Variants in DGKG observed in about 807,000 individuals in gnomAD.
DGKG encodes diacylglycerol kinase gamma, also known as DAG kinase gamma.
DGKG carries 78 observed loss-of-function variants against 105.3 expected under a neutral mutation model. The ratio of observed to expected loss-of-function variants is 0.74; its 90% confidence interval spans 0.62 to 0.89. The LOEUF is 0.89. Among genes scored for constraint, DGKG ranks in the 40% least tolerant of loss-of-function variants. DGKG has a pLI of 0.00. For missense variants in DGKG, 958 were observed against 1,020.1 expected, an observed-to-expected ratio of 0.94 and a Z score of 0.83; for synonymous variants, 346 against 367.1, an observed-to-expected ratio of 0.94 and a Z score of 0.66.
rs1718598881 is a variant in DGKG at position 186,203,976 on chromosome 3, T to C, written c.1917+7819A>G. Among the ~76,000 whole-genome samples, 1 of 152,240 alleles carries C rather than the reference T, an allele frequency of 6.6e-6. No homozygotes were observed. The highest frequency in any genetic ancestry group is 2.4e-5 in the African/African-American group (1 of 41,464). ...CCTCTAGTTTAAGAGTGTGCAGCAC[T>C]GCAGGTGGATGCTAAGACAGAGTAG... is the stretch of plus-strand genomic sequence containing the variant. On this transcript the variant is annotated intron_variant, in intron 21 of 24. Coordinates refer to ENST00000265022, the MANE Select transcript of DGKG (RefSeq NM_001346.3). This position sits in a 1 kb window ranked among gnomAD's most constrained non-coding sequence, Gnocchi z 4.9.
At chr3:186,280,838 G>C in intron 7 of DGKG, 94 bp from the exon 8 acceptor site, 1 of 1,016,800 alleles carries the variant, frequency 9.8e-7, no homozygotes, top group Non-Finnish European at 1.5e-6. Context: ...TGGGAAGAGG[G>C]ACAGGGCAGG....
intron 22 of DGKG, among the ~76,000 whole-genome samples, chr3:186,176,681 T>C (rs1717093983): frequency 6.6e-6 from 1 of 152,204 alleles, no homozygotes; most frequent in African/African-American, 2.4e-5. Context: ...GGCCTTGTTT[T>C]TCTAATCTAT....
Position 186,284,684 on chromosome 3 carries a change from A to T in DGKG, c.570T>A (p.Asp190Glu). 6.2e-7 allele frequency: 1 copy of T among 1,613,966 alleles called. No homozygotes were observed. The highest frequency in any genetic ancestry group is 8.5e-7 in the Non-Finnish European group (1 of 1,179,854). Reference protein sequence around the residue: ...LEFMFRLYDSDENGLLDQAEM... With the variant: ...LEFMFRLYDSEENGLLDQAEM... ...CCGCTTGGTCCAGGAGACCGTTCTC[A>T]TCTGAATCATAGAGGCGAAACATGA... The change falls in exon 7 of 25, where the codon GAT becomes GAA. Residue 190 changes from aspartate (D) to glutamate (E), a missense_variant. This residue lies in a region of DGKG where 643 missense variants were observed against 619.5 expected (regional missense o/e 1.04). Coordinates refer to ENST00000265022, the MANE Select transcript of DGKG (RefSeq NM_001346.3). This position sits in a 1 kb window ranked among gnomAD's most constrained non-coding sequence, Gnocchi z 4.0.
chr3:186,311,336 A>C (rs1724532247), intron 2 of DGKG, among the ~76,000 whole-genome samples: 1 of 152,208 alleles, frequency 6.6e-6, no homozygotes, highest in Non-Finnish European at 1.5e-5. Flanking sequence ...ATAACTTCTA[A>C]ATTTAAAATT....
intron 9 of DGKG, 132 bp downstream of exon 9, chr3:186,279,719 G>A (rs888718934): frequency 6.5e-6 from 6 of 921,130 alleles, no homozygotes; most frequent in Non-Finnish European, 8.2e-6. Flanking sequence ...TAAATAGAGA[G>A]GACTTTGGGG....
At chr3:186,279,356 A>G (rs1722726964) in intron 9 of DGKG, 4 of 152,768 alleles carry the variant, frequency 2.6e-5, no homozygotes, top group Admixed American at 2.6e-4. Context: ...TTCCATCTGT[A>G]TAAATTGGGA....
At chr3:186,161,407 C>G in intron 24 of DGKG, 196 bp downstream of exon 24, 1 of 1,422,878 alleles carries the variant, frequency 7.0e-7, no homozygotes, top group Non-Finnish European at 9.2e-7. Flanking sequence ...TTCACAGTGT[C>G]TGGCATATAG....
intron 3 of DGKG, among the ~76,000 whole-genome samples, chr3:186,301,349 C>T (rs1046363032): frequency 2.6e-5 from 4 of 152,070 alleles, no homozygotes; most frequent in East Asian, 1.9e-4. Flanking sequence ...TTCCATGTGA[C>T]GGGTGCGGTG....
At chr3:186,193,419 C>G (rs1040719410) in intron 21 of DGKG, among the ~76,000 whole-genome samples, 1 of 152,218 alleles carries the variant, frequency 6.6e-6, no homozygotes, top group South Asian at 2.1e-4. Flanking sequence ...TAACTGTCTG[C>G]GTTATCATCA....
chr3:186,273,367 C>CCTTTTTTTTTTTTTTTTTTTTTTT lies in DGKG; in HGVS notation c.911-1025_911-1024insAAAAAAAAAAAAAAAAAAAAAAAG, dbSNP rs1553811123. Among the ~76,000 whole-genome samples, 6 of 85,598 alleles carry CCTTTTTTTTTTTTTTTTTTTTTTT rather than the reference C, an allele frequency of 7.0e-5. 2 individuals are homozygous for CCTTTTTTTTTTTTTTTTTTTTTTT. Among genetic ancestry groups the CCTTTTTTTTTTTTTTTTTTTTTTT allele is most frequent in the Admixed American group, 3.0e-4 (2 of 6,778 alleles). The allele number at this position is 85,598 out of a possible 152,430, so 56.2% of individuals were successfully genotyped here. On this transcript the variant is annotated intron_variant, in intron 10 of 24. Transcript: ENST00000265022. ...TGGCGCTGGGGAGACTGTTGTACCC[C>CCTTTTTTTTTTTTTTTTTTTTTTT]TTTTTTTTTTTTTTTTTTTTTTTTT...
At chr3:186,301,928 C>T (rs567166963) in intron 3 of DGKG, among the ~76,000 whole-genome samples, 29 of 152,240 alleles carry the variant, frequency 1.9e-4, no homozygotes, top group African/African-American at 6.3e-4. Context: ...TCCCCATGTG[C>T]GTGTATGCAC....
At chr3:186,298,735 A>G (rs895772448) in intron 3 of DGKG, among the ~76,000 whole-genome samples, 6 of 152,316 alleles carry the variant, frequency 3.9e-5, no homozygotes, top group African/African-American at 1.4e-4. Context: ...TCCCTCTTGT[A>G]CCATGACGGA....
Position 186,284,719 on chromosome 3 carries a change from A to G in DGKG, c.545-10T>C, listed in dbSNP as rs775610785. 20 of 1,613,550 alleles carry G rather than the reference A, an allele frequency of 1.2e-5. No individual in the cohort carries two copies. The highest frequency in any genetic ancestry group is 5.0e-5 in the Admixed American group (3 of 59,996). On this transcript the variant is annotated splice_polypyrimidine_tract_variant and intron_variant, in intron 6 of 24. Transcript: ENST00000265022. This position sits in a 1 kb window ranked among gnomAD's most constrained non-coding sequence, Gnocchi z 4.0. Reference sequence around the variant, plus strand: ...TAGAGGCGAAACATGACTGTAAGAAACACAGAGGTAAGCCTTGAGGTGTCC... The same window carrying G: ...TAGAGGCGAAACATGACTGTAAGAAGCACAGAGGTAAGCCTTGAGGTGTCC...
intron 1 of DGKG, among the ~76,000 whole-genome samples, chr3:186,358,286 G>A (rs974893848): frequency 3.3e-5 from 5 of 152,262 alleles, no homozygotes; most frequent in Admixed American, 2.0e-4. Context: ...GTAAGCTTAC[G>A]CACAGGTGCT....
At chr3:186,345,233 C>T (rs1179528231) in intron 1 of DGKG, among the ~76,000 whole-genome samples, 1 of 152,054 alleles carries the variant, frequency 6.6e-6, no homozygotes, top group East Asian at 1.9e-4. Context: ...GTGGCATCTC[C>T]CTGCTATACC....
At chr3:186,352,085 C>G (rs1192965394) in intron 1 of DGKG, among the ~76,000 whole-genome samples, 1 of 152,114 alleles carries the variant, frequency 6.6e-6, no homozygotes, top group Admixed American at 6.6e-5. Flanking sequence ...GGCCCCTCCC[C>G]ACTCCCCCCA....
chr3:186,325,952 C>T (rs1725319460), intron 1 of DGKG, among the ~76,000 whole-genome samples: 1 of 152,168 alleles, frequency 6.6e-6, no homozygotes, highest in Admixed American at 6.5e-5. Flanking sequence ...TCTCGTACTT[C>T]CTCAGCTCAA....
rs1560153126 is a variant in DGKG at position 186,320,406 on chromosome 3, C to A, written c.54G>T (p.Gln18His). 6.2e-7 allele frequency: 1 copy of A among 1,614,164 alleles called. No individual in the cohort carries two copies. The highest frequency in any genetic ancestry group is 2.2e-5 in the East Asian group (1 of 44,886). Residue 18 changes from glutamine to histidine, a missense_variant, in exon 2 of 25, where the codon CAG becomes CAT. Transcript: ENST00000265022. ...SLTPEEFDQLQKYSEYSSKKI... is the reference protein window; with the variant it reads ...SLTPEEFDQLHKYSEYSSKKI... ...GCATTTACTCACATTCTGAATATTT[C>A]TGGAGTTGGTCAAATTCTTCTGGAG...
At chr3:186,318,832 G>A (rs79339688) in intron 2 of DGKG, among the ~76,000 whole-genome samples, 15 of 152,276 alleles carry the variant, frequency 9.9e-5, no homozygotes, top group African/African-American at 2.6e-4. Flanking sequence ...ATAAACCCAC[G>A]CTGGATTGAA....
Sources: allele counts gnomAD v4.1 joint callset (sites outside exome capture counted in the v4.1 genomes callset), GRCh38; gene constraint gnomAD v4.1.1; regional missense constraint gnomAD v4.1.1; non-coding constraint Gnocchi (gnomAD v3.1); transcripts MANE v1.5; gene names NCBI Gene and HGNC (gene_info 2026-07-23, HGNC 2026-07-21).